AJAP1: variants seen among roughly 807,000 people sequenced by gnomAD.
The protein encoded by AJAP1 is adherens junction-associated protein 1.
Under a neutral mutation model 35.0 loss-of-function variants are expected in AJAP1, and 5 were observed. The ratio of observed to expected loss-of-function variants is 0.14; its 90% CI spans 0.07 to 0.30. The LOEUF (loss-of-function observed/expected upper bound fraction) is 0.30. AJAP1 is among the 10% of genes least tolerant of loss of function. AJAP1 has a pLI of 1.00. For missense variants in AJAP1, 586 were observed against 571.0 expected, an observed-to-expected ratio of 1.03 and a Z score of -0.27; for synonymous variants, 284 against 249.3, an observed-to-expected ratio of 1.14 and a Z score of -1.31.
intron 3 of AJAP1, among the ~76,000 whole-genome samples, 179 bp from the exon 4 acceptor site, chr1:4,772,101 A>AAC (rs1641848396): frequency 6.6e-6 from 1 of 151,598 alleles, no homozygotes; most frequent in Non-Finnish European, 1.5e-5. Flanking sequence ...TTTTTAAAAA[A>AAC]AAAGAGTTGA....
intron 1 of AJAP1, among the ~76,000 whole-genome samples, chr1:4,674,034 C>A (rs567313708): frequency 6.4e-5 from 9 of 141,262 alleles, no homozygotes; most frequent in African/African-American, 2.5e-4. Context: ...GCTTATCCCC[C>A]CCGCCACCAA....
chr1:4,745,431 C>A (rs1053883933), intron 2 of AJAP1, among the ~76,000 whole-genome samples: 3 of 152,136 alleles, frequency 2.0e-5, no homozygotes, highest in Non-Finnish European at 4.4e-5. Context: ...GCCCTCCATC[C>A]TGGAGGGCAG....
chr1:4,670,821 C>G (rs998303035), intron 1 of AJAP1, among the ~76,000 whole-genome samples: 5 of 152,250 alleles, frequency 3.3e-5, no homozygotes, highest in Non-Finnish European at 7.3e-5. Context: ...ATGTTCTTCC[C>G]TTTCCCTTCC....
At chr1:4,755,410 G>A (rs1441312925) in intron 2 of AJAP1, among the ~76,000 whole-genome samples, 2 of 152,072 alleles carry the variant, frequency 1.3e-5, no homozygotes, top group South Asian at 2.1e-4. Context: ...GAAACAAGGG[G>A]ATAACCGTCT....
Position 4,717,860 on chromosome 1 carries a change from A to G in AJAP1, c.829+5161A>G, listed in dbSNP as rs538063178. 3.3e-5 allele frequency among the ~76,000 whole-genome samples: 5 copies of G among 152,342 alleles called. No individual in the cohort carries two copies. In the East Asian group the frequency reaches 9.6e-4, roughly 29 times the overall value. On this transcript the variant is annotated intron_variant, in intron 2 of 5. Coordinates refer to ENST00000378191, the MANE Select transcript of AJAP1 (RefSeq NM_018836.4). The stretch of plus-strand genomic sequence containing the variant: ...TCTTCCCCTTTGGTTGAAAGCTGTG[A>G]TGGCCATTTAAATGCTGAGCCCATT...
chr1:4,782,441 C>A lies in AJAP1; in HGVS notation c.*60-104C>A, dbSNP rs933244729. On this transcript the variant is annotated intron_variant, in intron 5 of 5. Transcript: ENST00000378191. The surrounding 1 kb of genome is among the most constrained non-coding windows in gnomAD (Gnocchi z 5.3). Reference sequence around the variant, plus strand: ...AAAGGGAGTGATCGGGCTCTGCATGCGGGGGTGCTGCGTGTGGGGGTCCCA... The same window carrying A: ...AAAGGGAGTGATCGGGCTCTGCATGAGGGGGTGCTGCGTGTGGGGGTCCCA... 2 of 262,316 alleles carry A rather than the reference C, an allele frequency of 7.6e-6. No individual in the cohort carries two copies. The highest frequency in any genetic ancestry group is 1.1e-4 in the Admixed American group (2 of 18,460). The allele number at this position is 262,316 out of a possible 1,614,324, so 16.2% of individuals were successfully genotyped here. A position where few individuals can be genotyped will look rare whatever the true frequency, so the allele number is the denominator to read the frequency against.
At chr1:4,730,616 A>G (rs1640776028) in intron 2 of AJAP1, among the ~76,000 whole-genome samples, 1 of 152,210 alleles carries the variant, frequency 6.6e-6, no homozygotes, top group Non-Finnish European at 1.5e-5. Flanking sequence ...GCACCTAGCA[A>G]AGGCATTGTC....
intron 1 of AJAP1, among the ~76,000 whole-genome samples, chr1:4,668,347 T>C (rs11809480): frequency 0.03 from 4,476 of 151,564 alleles, 194 homozygotes; most frequent in African/African-American, 0.098. Flanking sequence ...CGTGTGCGTG[T>C]GTGTGTGTGT....
Position 4,689,408 on chromosome 1 carries a change from G to A in AJAP1, c.30-22492G>A, listed in dbSNP as rs561913061. Among the ~76,000 whole-genome samples, 3 of 152,326 alleles carry A rather than the reference G, an allele frequency of 2.0e-5. No individual in the cohort carries two copies. The East Asian group carries it at 5.8e-4, about 29-fold the overall frequency. ...CCTCGCGCAGCCCACCCACGAGGAG[G>A]CGGAGGGCCAGGAACGCAAGGCCCA... On this transcript the variant is annotated intron_variant, in intron 1 of 5. Transcript: ENST00000378191.
At position 4,712,551 on chromosome 1, in the gene AJAP1, C is replaced by T; in HGVS notation, c.681C>T (p.Thr227=). Residue 227 remains threonine (T), a synonymous_variant, in exon 2 of 6, where the codon ACC becomes ACT. Transcript: ENST00000378191. ...CCACCACCACCACCACCACGGCCAC[C>T]CCCATGACGCTGCAGACTAAGGGGT... ...AATTTTTTTA[T]PMTLQTKGFT... The T allele has an allele frequency of 6.2e-7, 1 of 1,612,672 alleles. No individual in the cohort carries two copies. Among genetic ancestry groups the T allele is most frequent in the Non-Finnish European group, 8.5e-7 (1 of 1,179,566 alleles).
chr1:4,748,143 G>T (rs1557638075), intron 2 of AJAP1, among the ~76,000 whole-genome samples: 1 of 152,056 alleles, frequency 6.6e-6, no homozygotes, highest in African/African-American at 2.4e-5. Flanking sequence ...CAGAGCCACT[G>T]CCTCTGGCCT....
At chr1:4,715,804 A>G (rs1640376138) in intron 2 of AJAP1, among the ~76,000 whole-genome samples, 1 of 152,234 alleles carries the variant, frequency 6.6e-6, no homozygotes, top group Non-Finnish European at 1.5e-5. Context: ...TTGTTTTTAT[A>G]CCCAGCAAGA....
At chr1:4,677,857 G>A (rs1002370922) in intron 1 of AJAP1, among the ~76,000 whole-genome samples, 1 of 152,206 alleles carries the variant, frequency 6.6e-6, no homozygotes, top group Admixed American at 6.5e-5. Context: ...TGGTGCTGGA[G>A]CCAACTATTG....
intron 2 of AJAP1, among the ~76,000 whole-genome samples, chr1:4,735,015 C>A (rs1199735410): frequency 6.6e-6 from 1 of 152,248 alleles, no homozygotes; most frequent in Non-Finnish European, 1.5e-5. Flanking sequence ...CTCAACTTCC[C>A]TGGGAGCCGT....
At chr1:4,683,831 G>C (rs1008997331) in intron 1 of AJAP1, among the ~76,000 whole-genome samples, 9 of 152,312 alleles carry the variant, frequency 5.9e-5, no homozygotes, top group African/African-American at 1.9e-4. Flanking sequence ...GAGAGGCCAG[G>C]GTGGGACTTG....
At chr1:4,696,754 A>C (rs1639870407) in intron 1 of AJAP1, among the ~76,000 whole-genome samples, 1 of 152,234 alleles carries the variant, frequency 6.6e-6, no homozygotes, top group Non-Finnish European at 1.5e-5. Context: ...CTGTGTGTGC[A>C]TATGACTGTG....
chr1:4,721,942 A>G (rs982794896), intron 2 of AJAP1, among the ~76,000 whole-genome samples: 2 of 152,206 alleles, frequency 1.3e-5, no homozygotes, highest in East Asian at 1.9e-4. Flanking sequence ...GCCCCAGCCC[A>G]TCTTCACTGG....
At chr1:4,667,695 T>G (rs1378089607) in intron 1 of AJAP1, among the ~76,000 whole-genome samples, 1 of 152,220 alleles carries the variant, frequency 6.6e-6, no homozygotes, top group African/African-American at 2.4e-5. Context: ...TAACAGATGC[T>G]GGTACTGGTT....
Position 4,723,331 on chromosome 1 carries a change from C to T in AJAP1, c.829+10632C>T, listed in dbSNP as rs369567610. 8.5e-5 allele frequency among the ~76,000 whole-genome samples: 13 copies of T among 152,278 alleles called. No individual in the cohort carries two copies. In the East Asian group the frequency reaches 2.3e-3, roughly 27 times the overall value. ...ACTCCTTGGATTCCTGAGTCTGCCA[C>T]TCGGGGGCTGGTGCAGCCCGGAGTA... On this transcript the variant is annotated intron_variant, in intron 2 of 5. Transcript: ENST00000378191. This position sits in a 1 kb window ranked among gnomAD's most constrained non-coding sequence, Gnocchi z 4.3.
Sources: gnomAD v4.1 joint callset for allele counts (sites outside exome capture counted in the v4.1 genomes callset) on GRCh38, gnomAD v4.1.1 for gene constraint, Gnocchi (gnomAD v3.1) non-coding constraint, MANE v1.5 for transcripts, NCBI Gene and HGNC (gene_info 2026-07-23, HGNC 2026-07-21) for gene names.